The following UBE2E1 variants were observed in gnomAD, a reference collection of about 807,000 sequenced individuals.
UBE2E1 encodes ubiquitin-conjugating enzyme E2 E1.
Under a neutral mutation model 21.4 loss-of-function variants are expected in UBE2E1, and 6 were observed. The observed-to-expected ratio is 0.28, with a 90% CI of 0.15 to 0.55. The LOEUF is 0.55. UBE2E1 is among the 20% of genes least tolerant of loss of function. The pLI, the probability that UBE2E1 is intolerant of heterozygous loss-of-function variation, is 0.93. For synonymous variants in UBE2E1, 87 were observed against 82.7 expected (o/e 1.05, Z -0.28); for missense variants, 142 against 236.5 (o/e 0.60, Z 2.62).
In UBE2E1 at chr3:23,806,454, A is replaced by G. The variant is rs1699270952; in HGVS notation, c.-34+366A>G. Among the ~76,000 whole-genome samples, 1 of 151,188 alleles carries G rather than the reference A, an allele frequency of 6.6e-6. No individual in the cohort carries two copies. Among genetic ancestry groups the G allele is most frequent in the Admixed American group, 6.6e-5 (1 of 15,244 alleles). ...TCCCCAGGGGCGGGGGTTCGCGGGG[A>G]TTAACCCCTCCGGGGCGGAAGGGCT... On this transcript the variant is annotated intron_variant, in intron 1 of 5. Transcript: ENST00000306627. The surrounding 1 kb of genome is among the most constrained non-coding windows in gnomAD (Gnocchi z 6.5).
At position 23,876,017 on chromosome 3, in the gene UBE2E1, C is replaced by T. The variant is rs574392124; in HGVS notation, c.204-11550C>T. On this transcript the variant is annotated intron_variant, in intron 3 of 5. Transcript: ENST00000306627. The surrounding 1 kb of genome is among the most constrained non-coding windows in gnomAD (Gnocchi z 4.3). ...CTATCTCTAGACCTCGTGATCTGCC[C>T]GCTTTGGCCTCACAAAGTGCTGGGA... 5.3e-5 allele frequency among the ~76,000 whole-genome samples: 8 copies of T among 152,260 alleles called. No individual in the cohort carries two copies. The highest frequency in any genetic ancestry group is 2.1e-4 in the South Asian group (1 of 4,830).
chr3:23,807,930 A>G (rs1274845147), intron 2 of UBE2E1: 1 of 152,312 alleles, frequency 6.6e-6, no homozygotes, highest in Non-Finnish European at 1.5e-5. Flanking sequence ...AGGTGAAGAC[A>G]GATGTTTTCT....
At chr3:23,832,949 G>T (rs1219100160) in intron 3 of UBE2E1, among the ~76,000 whole-genome samples, 2 of 152,134 alleles carry the variant, frequency 1.3e-5, no homozygotes, top group African/African-American at 4.8e-5. Context: ...CAGGAAGATT[G>T]CTTGAGCCCA....
chr3:23,862,323 C>T (rs1700575512), intron 3 of UBE2E1, among the ~76,000 whole-genome samples: 1 of 152,068 alleles, frequency 6.6e-6, no homozygotes, highest in Admixed American at 6.5e-5. Context: ...ATCTCTGTAC[C>T]AAAAGTTCTT....
chr3:23,881,963 A>G (rs1222408883), intron 3 of UBE2E1, among the ~76,000 whole-genome samples: 1 of 150,410 alleles, frequency 6.6e-6, no homozygotes, highest in Non-Finnish European at 1.5e-5. Flanking sequence ...GGAGTTGTTT[A>G]TTCCTTCTGG....
At chr3:23,882,524 T>C (rs1315928044) in intron 3 of UBE2E1, among the ~76,000 whole-genome samples, 1 of 152,244 alleles carries the variant, frequency 6.6e-6, no homozygotes, top group African/African-American at 2.4e-5. Flanking sequence ...TCCCGCACTG[T>C]GCGCCCACAC....
At position 23,819,314 on chromosome 3, in the gene UBE2E1, G is replaced by T. The variant is rs1267357764; in HGVS notation, c.203+7804G>T. Among the ~76,000 whole-genome samples the T allele has an allele frequency of 2.6e-5, 4 of 151,468 alleles. No individual in the cohort carries two copies. In the East Asian group the frequency reaches 7.7e-4, roughly 29 times the overall value. On this transcript the variant is annotated intron_variant, in intron 3 of 5. Transcript: ENST00000306627. ...AAATAAATAAATAAATAAATAAATT[G>T]CTAGAGAGGCAGATGTAATGTTTTA...
chr3:23,842,741 A>T lies in UBE2E1; in HGVS notation c.203+31231A>T, dbSNP rs879418002. 9.2e-5 allele frequency among the ~76,000 whole-genome samples: 14 copies of T among 152,218 alleles called. No homozygotes were observed. Among genetic ancestry groups the T allele is most frequent in the Non-Finnish European group, 1.5e-4 (10 of 68,034 alleles). The stretch of plus-strand genomic sequence containing the variant: ...TTAATTTTGGTTTTTGAAGTCACAC[A>T]TAAGTTTTTATACTTTTTGAGGGAA... On this transcript the variant is annotated intron_variant, in intron 3 of 5. Coordinates refer to ENST00000306627, the MANE Select transcript of UBE2E1 (RefSeq NM_003341.5). The surrounding 1 kb of genome is among the most constrained non-coding windows in gnomAD (Gnocchi z 4.6).
At chr3:23,830,281 A>G (rs1012445152) in intron 3 of UBE2E1, among the ~76,000 whole-genome samples, 6 of 152,112 alleles carry the variant, frequency 3.9e-5, no homozygotes, top group East Asian at 3.8e-4. Flanking sequence ...GTCTTAGTCA[A>G]TATGTATTAT....
At chr3:23,815,307 C>G (rs1289096365) in intron 3 of UBE2E1, among the ~76,000 whole-genome samples, 1 of 152,158 alleles carries the variant, frequency 6.6e-6, no homozygotes, top group East Asian at 1.9e-4. Context: ...CTGTATGTGA[C>G]AGAATTTCCA....
intron 3 of UBE2E1, among the ~76,000 whole-genome samples, chr3:23,872,243 C>T (rs895907225): frequency 1.3e-5 from 2 of 152,162 alleles, no homozygotes; most frequent in Non-Finnish European, 2.9e-5. Flanking sequence ...CGTGGCGGCG[C>T]GCGCCTGCAA....
chr3:23,887,904 T>C lies in UBE2E1; in HGVS notation c.336+205T>C. On this transcript the variant is annotated intron_variant, in intron 4 of 5. Coordinates refer to ENST00000306627, the MANE Select transcript of UBE2E1 (RefSeq NM_003341.5). The surrounding 1 kb of genome is among the most constrained non-coding windows in gnomAD (Gnocchi z 4.4). ...CCATTCTAGGATTAAGTGCTTTGTT[T>C]TGATGGTGCTTAAAATTGTGCTATT... is the stretch of plus-strand genomic sequence containing the variant. 27 of 617,436 alleles carry C rather than the reference T, an allele frequency of 4.4e-5. 2 individuals carry two copies. The highest frequency in any genetic ancestry group is 4.3e-4 in the South Asian group (20 of 46,676). 38.2% of individuals were successfully genotyped at this position (617,436 alleles called of 1,614,324 possible). A position where few individuals can be genotyped will look rare whatever the true frequency, so the allele number is the denominator to read the frequency against.
At chr3:23,877,731 A>C (rs1052000363) in intron 3 of UBE2E1, among the ~76,000 whole-genome samples, 4 of 152,222 alleles carry the variant, frequency 2.6e-5, no homozygotes, top group African/African-American at 9.6e-5. Context: ...AAGCTTCCAC[A>C]GACAAAAGGA....
chr3:23,820,637 A>G (rs1575806590), intron 3 of UBE2E1, among the ~76,000 whole-genome samples: 2 of 152,218 alleles, frequency 1.3e-5, no homozygotes, highest in South Asian at 2.1e-4. Context: ...GCTGACCCAA[A>G]TATGACAAAG....
At chr3:23,862,240 A>G (rs755185850) in intron 3 of UBE2E1, among the ~76,000 whole-genome samples, 2 of 152,236 alleles carry the variant, frequency 1.3e-5, no homozygotes, top group Non-Finnish European at 2.9e-5. Flanking sequence ...GCAGGCATGT[A>G]AGGTCCTCTC....
intron 3 of UBE2E1, among the ~76,000 whole-genome samples, chr3:23,871,255 C>T (rs1184868871): frequency 1.1e-5 from 1 of 89,912 alleles, no homozygotes. Flanking sequence ...TAGGGGCGGC[C>T]GGGCAGAGGC....
intron 3 of UBE2E1, among the ~76,000 whole-genome samples, chr3:23,818,894 C>G (rs897357126): frequency 1.3e-5 from 2 of 152,206 alleles, no homozygotes; most frequent in Non-Finnish European, 1.5e-5. Flanking sequence ...AGAGGGAGAT[C>G]AAGGAAATTT....
chr3:23,882,830 G>C (rs1701083035), intron 3 of UBE2E1, among the ~76,000 whole-genome samples: 1 of 152,206 alleles, frequency 6.6e-6, no homozygotes, highest in Admixed American at 6.5e-5. Context: ...GCTGCTCCGA[G>C]TGCGGGGCTG....
rs55941535 is a variant in UBE2E1, at chr3:23,842,198, G to GGTGT, written c.203+30736_203+30739dup. On this transcript the variant is annotated intron_variant, in intron 3 of 5. Coordinates refer to ENST00000306627, the MANE Select transcript of UBE2E1 (RefSeq NM_003341.5). The surrounding 1 kb of genome is among the most constrained non-coding windows in gnomAD (Gnocchi z 4.6). ...TATGTCATGACCCAGTAAGTGAAGG[G>GGTGT]GTGTGTGTGTGTGTGTGTGTGTGTG... 0.016 allele frequency among the ~76,000 whole-genome samples: 1,628 copies of GGTGT among 104,214 alleles called. 53 individuals carry two copies. The highest frequency in any genetic ancestry group is 0.021 in the African/African-American group (587 of 27,630). The allele number at this position is 104,214 out of a possible 152,430, so 68.4% of individuals were successfully genotyped here.
Sources: allele counts gnomAD v4.1 joint callset (sites outside exome capture counted in the v4.1 genomes callset), GRCh38; gene constraint gnomAD v4.1.1; non-coding constraint Gnocchi (gnomAD v3.1); transcripts MANE v1.5; gene names NCBI Gene and HGNC (gene_info 2026-07-23, HGNC 2026-07-21).